Variants in PPP1R9A observed in about 807,000 individuals in gnomAD.
PPP1R9A encodes the protein protein phosphatase 1 regulatory subunit 9A, also known as neurabin-1.
A neutral mutation model predicts 141.9 loss-of-function variants in PPP1R9A; 59 were observed. That is an observed-to-expected ratio of 0.42 (90% CI 0.34 to 0.52). PPP1R9A has a LOEUF of 0.52. PPP1R9A is among the 20% of genes least tolerant of loss of function. PPP1R9A has a pLI of 0.10. For missense variants in PPP1R9A, 1,444 were observed against 1,611.9 expected (o/e 0.90, Z 1.78); for synonymous variants, 500 against 569.7 (o/e 0.88, Z 1.74).
At chr7:95,181,625 A>G (rs1234319336) in intron 5 of PPP1R9A, among the ~76,000 whole-genome samples, 17 of 141,038 alleles carry the variant, frequency 1.2e-4, no homozygotes, top group Admixed American at 6.0e-4. Context: ...TATATATTCC[A>G]TCACATATAT....
Position 94,910,024 on chromosome 7 carries a change from A to G in PPP1R9A, c.-90A>G, listed in dbSNP as rs1584156954. 3.4e-6 allele frequency: 4 copies of G among 1,159,988 alleles called. No individual in the cohort carries two copies. The East Asian group carries it at 9.4e-5, about 27-fold the overall frequency. 71.9% of individuals were successfully genotyped at this position (1,159,988 alleles called of 1,614,324 possible). The stretch of plus-strand genomic sequence containing the variant: ...ATTTGAGAGGTACTTTTCTTGACCC[A>G]ATACTGGTGATTAGAGAAGAGAGGT... On this transcript the variant is annotated 5_prime_UTR_variant, in exon 2 of 20. Coordinates refer to ENST00000433360, the MANE Select transcript of PPP1R9A (RefSeq NM_001166160.2). The surrounding 1 kb of genome is among the most constrained non-coding windows in gnomAD (Gnocchi z 4.5).
chr7:95,077,445 A>AAAT (rs1815028810), intron 2 of PPP1R9A, among the ~76,000 whole-genome samples: 1 of 152,102 alleles, frequency 6.6e-6, no homozygotes, highest in African/African-American at 2.4e-5. Flanking sequence ...TACTGAGTTA[A>AAAT]AAGATAATTT....
intron 2 of PPP1R9A, among the ~76,000 whole-genome samples, chr7:94,933,228 G>A (rs1459642447): frequency 6.6e-6 from 1 of 152,110 alleles, no homozygotes; most frequent in Non-Finnish European, 1.5e-5. Flanking sequence ...CTTGAAATGT[G>A]CAAATTTACG....
At chr7:95,279,433 T>C (rs1477264753) in intron 16 of PPP1R9A, among the ~76,000 whole-genome samples, 2 of 152,236 alleles carry the variant, frequency 1.3e-5, no homozygotes, top group African/African-American at 4.8e-5. Context: ...GTCATTTTCA[T>C]GGAGACCTTT....
chr7:94,976,720 G>A (rs1038915478), intron 2 of PPP1R9A, among the ~76,000 whole-genome samples: 1 of 152,114 alleles, frequency 6.6e-6, no homozygotes, highest in Non-Finnish European at 1.5e-5. Flanking sequence ...CAGCCTCAGG[G>A]AATGTTTTAC....
chr7:95,220,127 A>T (rs1794194511), intron 7 of PPP1R9A, among the ~76,000 whole-genome samples: 1 of 152,144 alleles, frequency 6.6e-6, no homozygotes, highest in African/African-American at 2.4e-5. Flanking sequence ...TAAAATTAGG[A>T]CACACAGGAG....
At chr7:95,191,445 A>G (rs1435280506) in intron 5 of PPP1R9A, among the ~76,000 whole-genome samples, 2 of 152,164 alleles carry the variant, frequency 1.3e-5, no homozygotes, top group East Asian at 1.9e-4. Context: ...TATGATCTCA[A>G]ACATTATCAT....
chr7:95,214,626 G>A (rs1318791661), intron 7 of PPP1R9A, among the ~76,000 whole-genome samples: 1 of 152,046 alleles, frequency 6.6e-6, no homozygotes, highest in Non-Finnish European at 1.5e-5. Context: ...ATTATACAAG[G>A]GCATGAACAC....
At chr7:95,104,551 T>C (rs996098084) in intron 2 of PPP1R9A, among the ~76,000 whole-genome samples, 3 of 152,152 alleles carry the variant, frequency 2.0e-5, no homozygotes, top group African/African-American at 7.2e-5. Context: ...GTTTACATCT[T>C]TGGAGACTAC....
intron 7 of PPP1R9A, among the ~76,000 whole-genome samples, chr7:95,204,662 CCACA>C (rs1162943661): frequency 1.7e-5 from 2 of 119,150 alleles, no homozygotes; most frequent in African/African-American, 9.0e-5. Flanking sequence ...CCACACATAT[CCACA>C]CACACACCAC....
chr7:95,175,541 C>T (rs1381188814), intron 5 of PPP1R9A, among the ~76,000 whole-genome samples: 1 of 150,754 alleles, frequency 6.6e-6, no homozygotes, highest in East Asian at 1.9e-4. Flanking sequence ...AATTATAAAG[C>T]ATTTGAAAAA....
At chr7:94,990,793 CAT>C (rs1801409640) in intron 2 of PPP1R9A, among the ~76,000 whole-genome samples, 1 of 151,978 alleles carries the variant, frequency 6.6e-6, no homozygotes, top group African/African-American at 2.4e-5. Context: ...ATGAATGAGA[CAT>C]GTGGTGTTTA....
chr7:94,990,893 A>G (rs567315233), intron 2 of PPP1R9A, among the ~76,000 whole-genome samples: 11 of 151,930 alleles, frequency 7.2e-5, no homozygotes, highest in African/African-American at 1.9e-4. Flanking sequence ...CTTCTTTTTT[A>G]TGGCTGAATA....
rs192782957 is a variant in PPP1R9A, at chr7:95,125,019, T to A, written c.1649+4187T>A. On this transcript the variant is annotated intron_variant, in intron 4 of 19. Transcript: ENST00000433360. ...TTGACCCTTCCTTATTCTTTGATAT[T>A]ATCTCTTACATTCAAAATTTTCTTT... Among the ~76,000 whole-genome samples, 7 of 152,332 alleles carry A rather than the reference T, an allele frequency of 4.6e-5. No homozygotes were observed. The East Asian group carries it at 1.3e-3, about 29-fold the overall frequency.
At chr7:95,012,432 C>T (rs1804552703) in intron 2 of PPP1R9A, among the ~76,000 whole-genome samples, 1 of 152,116 alleles carries the variant, frequency 6.6e-6, no homozygotes, top group Non-Finnish European at 1.5e-5. Flanking sequence ...CAATCACCTC[C>T]CACCAGGCCC....
intron 2 of PPP1R9A, among the ~76,000 whole-genome samples, chr7:95,006,216 A>C (rs1005400238): frequency 6.6e-6 from 1 of 150,852 alleles, no homozygotes; most frequent in African/African-American, 2.4e-5. Context: ...TTATTTATTT[A>C]TTTATTTATT....
chr7:95,202,748 A>T (rs1006352740), intron 6 of PPP1R9A: 1 of 207,720 alleles, frequency 4.8e-6, no homozygotes, highest in African/African-American at 2.4e-5. Context: ...ATTATGGTAT[A>T]TATTTTGTGT....
intron 4 of PPP1R9A, among the ~76,000 whole-genome samples, chr7:95,122,423 G>A (rs1315465776): frequency 4.6e-5 from 7 of 152,014 alleles, no homozygotes; most frequent in Non-Finnish European, 8.8e-5. Context: ...CTAGGATTAC[G>A]GGTGTGAGCC....
intron 7 of PPP1R9A, among the ~76,000 whole-genome samples, chr7:95,215,542 G>A (rs1325871050): frequency 5.3e-5 from 8 of 152,066 alleles, no homozygotes; most frequent in East Asian, 1.9e-4. Context: ...TTGAGGAATC[G>A]CCACACTGTC....
Sources: allele counts gnomAD v4.1 joint callset (sites outside exome capture counted in the v4.1 genomes callset), GRCh38; gene constraint gnomAD v4.1.1; non-coding constraint Gnocchi (gnomAD v3.1); transcripts MANE v1.5; gene names NCBI Gene and HGNC (gene_info 2026-07-23, HGNC 2026-07-21).